Variants in ESRRG observed in about 807,000 individuals in gnomAD.
The protein encoded by ESRRG is estrogen related receptor gamma, also known as estrogen-related receptor gamma.
A neutral mutation model predicts 44.0 loss-of-function variants in ESRRG; 13 were observed. The observed-to-expected ratio is 0.30, with a 90% CI of 0.19 to 0.47. The LOEUF (loss-of-function observed/expected upper bound fraction) is 0.47. Among genes scored for constraint, ESRRG ranks in the 20% least tolerant of loss-of-function variants. The probability of loss-of-function intolerance (pLI) is 1.00; values close to 1 mark genes in which losing one functional copy is unlikely to be tolerated. For synonymous variants in ESRRG, 215 were observed against 214.6 expected (o/e 1.00, Z -0.02); for missense variants, 395 against 580.6 (o/e 0.68, Z 3.29).
chr1:216,635,816 C>T (rs1012408641), intron 3 of ESRRG, among the ~76,000 whole-genome samples: 2 of 152,096 alleles, frequency 1.3e-5, no homozygotes, highest in African/African-American at 4.8e-5. Context: ...CAACCTAAGC[C>T]TGCTGTGAAC....
chr1:216,750,184 A>T (rs1370040666), intron 2 of ESRRG, among the ~76,000 whole-genome samples: 1 of 152,102 alleles, frequency 6.6e-6, no homozygotes, highest in African/African-American at 2.4e-5. Context: ...CTGTGTTCTC[A>T]GGCAATTCTG....
At chr1:216,731,167 G>T (rs955757632) in intron 2 of ESRRG, among the ~76,000 whole-genome samples, 1 of 152,070 alleles carries the variant, frequency 6.6e-6, no homozygotes, top group South Asian at 2.1e-4. Context: ...GTTCAAAAAC[G>T]GTTCTTGTAT....
At position 216,509,764 on chromosome 1, in the gene ESRRG, T is replaced by A. The variant is rs552656903; in HGVS notation, c.1133-2581A>T. ...TAACTCATTTTAGCTTTACCCATTC[T>A]CGGATCTGCTAATACTTTAAATGCA... On this transcript the variant is annotated intron_variant, in intron 6 of 6. Coordinates refer to ENST00000408911, the MANE Select transcript of ESRRG (RefSeq NM_001438.4). Among the ~76,000 whole-genome samples, 5 of 152,350 alleles carry A rather than the reference T, an allele frequency of 3.3e-5. No homozygotes were observed. In the South Asian group the frequency reaches 1.0e-3, roughly 32 times the overall value.
chr1:216,779,447 T>C (rs1396217069), intron 2 of ESRRG, among the ~76,000 whole-genome samples: 41 of 62,294 alleles, frequency 6.6e-4, no homozygotes, highest in Non-Finnish European at 1.1e-3. Flanking sequence ...AAAATAAATA[T>C]TTATAAATAT....
chr1:216,838,034 G>T (rs970140784), intron 2 of ESRRG, among the ~76,000 whole-genome samples: 1 of 152,092 alleles, frequency 6.6e-6, no homozygotes, highest in African/African-American at 2.4e-5. Flanking sequence ...CTGTTCCCCA[G>T]AATTATGCCT....
intron 3 of ESRRG, among the ~76,000 whole-genome samples, chr1:216,605,745 T>C (rs969668778): frequency 6.6e-6 from 1 of 151,884 alleles, no homozygotes; most frequent in East Asian, 1.9e-4. Context: ...TTTCTGAGGA[T>C]CAATCATTAG....
At chr1:216,886,935 G>T (rs1436667906) in intron 2 of ESRRG, among the ~76,000 whole-genome samples, 1 of 151,940 alleles carries the variant, frequency 6.6e-6, no homozygotes, top group Admixed American at 6.6e-5. Flanking sequence ...ACAGGGTTTT[G>T]CTATGTTGCC....
chr1:216,567,083 C>A (rs1328574018), intron 4 of ESRRG, among the ~76,000 whole-genome samples: 2 of 152,188 alleles, frequency 1.3e-5, no homozygotes, highest in African/African-American at 2.4e-5. Context: ...TTTCCTAGAA[C>A]TGCTACAGAT....
In ESRRG at chr1:216,776,385, A is replaced by G. The variant is rs2093615882; in HGVS notation, c.-13-98894T>C. Among the ~76,000 whole-genome samples, 3 of 152,040 alleles carry G rather than the reference A, an allele frequency of 2.0e-5. No homozygotes were observed. In the South Asian group the frequency reaches 6.2e-4, roughly 32 times the overall value. ...TCGCCTCAAAGGCTGACTTAGAGGC[A>G]CCTGAGTTGCATCCCGAGGTGGTCC... On this transcript the variant is annotated intron_variant, in intron 2 of 7. Transcript: ENST00000359162.
chr1:216,677,361 C>G lies in ESRRG; in HGVS notation c.187G>C (p.Asp63His). 1 of 1,614,174 alleles carries G rather than the reference C, an allele frequency of 6.2e-7. No homozygotes were observed. Among genetic ancestry groups the G allele is most frequent in the South Asian group, 1.1e-5 (1 of 91,072 alleles). ...VNHHSPGGSS[D>H]ASGSYSSTMN... The stretch of plus-strand genomic sequence containing the variant: ...GTTGAACTGTAGCTCCCACTGGCGT[C>G]TGAAGAGCCACCAGGGCTGTGGTGG... Residue 63 changes from aspartate to histidine, a missense_variant, in exon 2 of 7, where the codon GAC becomes CAC. Transcript: ENST00000408911.
intron 2 of ESRRG, among the ~76,000 whole-genome samples, chr1:216,663,875 T>C (rs916867068): frequency 5.9e-5 from 9 of 151,998 alleles, no homozygotes; most frequent in African/African-American, 2.2e-4. Flanking sequence ...AAAAATTGGG[T>C]GGAGAAAGGA....
chr1:216,749,847 A>C (rs559290387), intron 2 of ESRRG, among the ~76,000 whole-genome samples: 1 of 152,306 alleles, frequency 6.6e-6, no homozygotes, highest in East Asian at 1.9e-4. Flanking sequence ...AAAACAAACA[A>C]AAAATAAGTA....
intron 2 of ESRRG, among the ~76,000 whole-genome samples, chr1:216,851,900 T>C (rs1325257605): frequency 6.6e-6 from 1 of 151,846 alleles, no homozygotes; most frequent in Non-Finnish European, 1.5e-5. Flanking sequence ...CACACTGATA[T>C]CAACTTTACA....
At chr1:216,547,252 G>GA (rs1323118680) in intron 5 of ESRRG, among the ~76,000 whole-genome samples, 2 of 135,520 alleles carry the variant, frequency 1.5e-5, no homozygotes, top group African/African-American at 2.8e-5. Context: ...TGTTGATGTT[G>GA]TTGATGATGA....
chr1:216,863,526 A>C (rs974766272), intron 2 of ESRRG: 6 of 152,196 alleles, frequency 3.9e-5, no homozygotes, highest in African/African-American at 7.2e-5. Context: ...AGAGCAATTA[A>C]ATATCAAACC....
chr1:216,867,107 A>C (rs1410184756), intron 2 of ESRRG, among the ~76,000 whole-genome samples: 1 of 152,196 alleles, frequency 6.6e-6, no homozygotes, highest in Non-Finnish European at 1.5e-5. Context: ...TGCAACGTGC[A>C]TGCTGACATG....
At chr1:216,919,645 C>T (rs1196615028) in intron 2 of ESRRG, among the ~76,000 whole-genome samples, 2 of 152,208 alleles carry the variant, frequency 1.3e-5, no homozygotes, top group Non-Finnish European at 2.9e-5. Context: ...TAGGCCCCCT[C>T]TCTAGAAATC....
chr1:216,728,709 C>T (rs927918668), intron 2 of ESRRG, among the ~76,000 whole-genome samples: 5 of 151,230 alleles, frequency 3.3e-5, no homozygotes, highest in Admixed American at 2.0e-4. Context: ...TTTTTCCTGA[C>T]GTATATGGAT....
At chr1:216,992,606 A>G (rs918004186) in intron 1 of ESRRG, among the ~76,000 whole-genome samples, 1 of 152,204 alleles carries the variant, frequency 6.6e-6, no homozygotes, top group African/African-American at 2.4e-5. Flanking sequence ...AGCTTTTGTT[A>G]CTTTTCCTTT....
Sources: gnomAD v4.1 joint callset for allele counts (sites outside exome capture counted in the v4.1 genomes callset) on GRCh38, gnomAD v4.1.1 for gene constraint, MANE v1.5 for transcripts, NCBI Gene and HGNC (gene_info 2026-07-23, HGNC 2026-07-21) for gene names.